The following NR3C1 variants were observed in gnomAD, a reference collection of about 807,000 sequenced individuals.
NR3C1 encodes glucocorticoid receptor.
Under a neutral mutation model 74.0 loss-of-function variants are expected in NR3C1, and 14 were observed. That is an observed-to-expected ratio of 0.19 (90% CI 0.12 to 0.30). The LOEUF is 0.30. Ranked by LOEUF, NR3C1 falls within the 10% of genes least tolerant of loss-of-function variation. The pLI, the probability that NR3C1 is intolerant of heterozygous loss-of-function variation, is 1.00. For synonymous variants in NR3C1, 308 were observed against 332.5 expected (o/e 0.93, Z 0.80); for missense variants, 695 against 909.8 (o/e 0.76, Z 3.04).
chr5:143,393,349 A>C (rs1025998005), intron 2 of NR3C1, among the ~76,000 whole-genome samples: 1 of 152,168 alleles, frequency 6.6e-6, no homozygotes, highest in African/African-American at 2.4e-5. Flanking sequence ...GAATTTTAGA[A>C]ACACACACAC....
chr5:143,313,859 G>C, intron 3 of NR3C1, 143 bp downstream of exon 3: 1 of 741,552 alleles, frequency 1.3e-6, no homozygotes, highest in Non-Finnish European at 2.3e-6. Context: ...CTGCCCATTA[G>C]AGGACCTAGG....
chr5:143,326,082 C>G (rs1185089931), intron 2 of NR3C1, among the ~76,000 whole-genome samples: 1 of 152,162 alleles, frequency 6.6e-6, no homozygotes, highest in Non-Finnish European at 1.5e-5. Flanking sequence ...TTTACTGAGT[C>G]CATTTTACAG....
At chr5:143,327,376 G>T (rs1824847327) in intron 2 of NR3C1, among the ~76,000 whole-genome samples, 1 of 152,144 alleles carries the variant, frequency 6.6e-6, no homozygotes, top group Non-Finnish European at 1.5e-5. Flanking sequence ...TACAATTCAA[G>T]ATTAGATTTG....
intron 2 of NR3C1, among the ~76,000 whole-genome samples, chr5:143,349,895 A>G (rs1191985973): frequency 6.6e-6 from 1 of 152,166 alleles, no homozygotes; most frequent in African/African-American, 2.4e-5. Context: ...GAAGAGGGAT[A>G]TCTAACCCAA....
Position 143,372,678 on chromosome 5 carries a change from C to G in NR3C1, c.1184+26978G>C, listed in dbSNP as rs555851229. On this transcript the variant is annotated intron_variant, in intron 2 of 8. Coordinates refer to ENST00000394464, the MANE Select transcript of NR3C1 (RefSeq NM_000176.3). ...CACCATCTGGCCTATCAAACATAAG[C>G]CCTTAAACCTTGTTGCAACTTTTAA... 2.0e-5 allele frequency among the ~76,000 whole-genome samples: 3 copies of G among 152,204 alleles called. No homozygotes were observed. The South Asian group carries it at 6.2e-4, about 32-fold the overall frequency.
rs1301427607 is a variant in NR3C1 at position 143,294,166 on chromosome 5, G to A, written c.2023+1294C>T. 6 of 984,766 alleles carry A rather than the reference G, an allele frequency of 6.1e-6. No homozygotes were observed. In the South Asian group the frequency reaches 2.8e-4, roughly 46 times the overall value. 61.0% of individuals were successfully genotyped at this position (984,766 alleles called of 1,614,324 possible). ...GCTTTGGAAATGTTTAAATAGATAT[G>A]AAATGATTAAATAAAATCACAGTCT... On this transcript the variant is annotated intron_variant, in intron 7 of 8. Transcript: ENST00000394464.
At chr5:143,419,625 A>G (rs1013682042) in intron 1 of NR3C1, among the ~76,000 whole-genome samples, 1 of 152,160 alleles carries the variant, frequency 6.6e-6, no homozygotes, top group African/African-American at 2.4e-5. Context: ...GACTTTCAAA[A>G]GGGGAGGGAA....
chr5:143,279,573 G>A lies in NR3C1; in HGVS notation c.*2316C>T. 2.0e-6 allele frequency: 1 copy of A among 510,150 alleles called. No homozygotes were observed. The highest frequency in any genetic ancestry group is 3.1e-6 in the Non-Finnish European group (1 of 320,838). 31.6% of individuals were successfully genotyped at this position (510,150 alleles called of 1,614,324 possible). ...TTCCCTTTTAGAGAGCATTCAAAAA[G>A]CAAATGATTGTTTTTTTATTAAATA... On this transcript the variant is annotated 3_prime_UTR_variant, in exon 9 of 9. Transcript: ENST00000394464.
intron 6 of NR3C1, 27 bp downstream of exon 6, chr5:143,298,641 A>G (rs199910967): frequency 1.9e-6 from 3 of 1,608,626 alleles, no homozygotes; most frequent in Non-Finnish European, 2.5e-6. Flanking sequence ...CTATGAATAC[A>G]GGGAAAATGA....
At chr5:143,296,334 GTTA>G (rs1040853167) in intron 6 of NR3C1, among the ~76,000 whole-genome samples, 2 of 151,624 alleles carry the variant, frequency 1.3e-5, no homozygotes, top group Non-Finnish European at 2.9e-5. Flanking sequence ...CAACAGAAAG[GTTA>G]TTATTTTTCT....
chr5:143,367,869 CT>C (rs1833534014), intron 2 of NR3C1, among the ~76,000 whole-genome samples: 2 of 152,098 alleles, frequency 1.3e-5, no homozygotes, highest in Admixed American at 6.6e-5. Flanking sequence ...TCAATTGCCT[CT>C]TTTTTTCTTC....
rs1194412874 is a variant in NR3C1 at position 143,400,146 on chromosome 5, C to A, written c.694G>T (p.Asp232Tyr). The part of the protein sequence containing the change: ...NCLLSPLAGE[D>Y]DSFLLEGNSN... ...TTTCCTTCCAAAAGGAATGAATCGT[C>A]TTCTCCCGCCAGAGGAGAAAGCAAA... Residue 232 changes from aspartate to tyrosine, a missense_variant, in exon 2 of 9, where the codon GAC becomes TAC. By Grantham distance (160) the Asp-to-Tyr change is radical. Coordinates refer to ENST00000394464, the MANE Select transcript of NR3C1 (RefSeq NM_000176.3). 2.4e-5 allele frequency: 39 copies of A among 1,614,078 alleles called. No homozygotes were observed. The highest frequency in any genetic ancestry group is 3.1e-5 in the Non-Finnish European group (37 of 1,180,044).
At chr5:143,357,447 T>A (rs1445691263) in intron 2 of NR3C1, among the ~76,000 whole-genome samples, 1 of 152,202 alleles carries the variant, frequency 6.6e-6, no homozygotes, top group Non-Finnish European at 1.5e-5. Flanking sequence ...AATCAAAAAA[T>A]ACACGTTTTA....
At position 143,279,430 on chromosome 5, in the gene NR3C1, C is replaced by T. The variant is rs1599628121; in HGVS notation, c.*2459G>A. 1.3e-6 allele frequency: 2 copies of T among 1,510,206 alleles called. No homozygotes were observed. The highest frequency in any genetic ancestry group is 1.7e-4 in the Middle Eastern group (1 of 5,852). The allele number at this position is 1,510,206 out of a possible 1,614,324, so 93.6% of individuals were successfully genotyped here. ...TAACATTCTATAAAGGAATGATAAT[C>T]TACGTTTTAGAAGCTCTTTTTGAAA... On this transcript the variant is annotated 3_prime_UTR_variant, in exon 9 of 9. Transcript: ENST00000394464.
chr5:143,309,502 T>G (rs1162259030), intron 4 of NR3C1, among the ~76,000 whole-genome samples: 1 of 152,206 alleles, frequency 6.6e-6, no homozygotes, highest in Non-Finnish European at 1.5e-5. Context: ...AGGTAATATC[T>G]TCACATAAAA....
intron 4 of NR3C1, among the ~76,000 whole-genome samples, chr5:143,302,608 A>C (rs773432069): frequency 6.6e-6 from 1 of 152,094 alleles, no homozygotes; most frequent in Non-Finnish European, 1.5e-5. Flanking sequence ...TTAAAAAAAA[A>C]CATTTTCTAT....
In NR3C1 at chr5:143,329,889, A is replaced by G. The variant is rs117066479; in HGVS notation, c.1185-15721T>C. 1.0e-3 allele frequency among the ~76,000 whole-genome samples: 155 copies of G among 152,306 alleles called. 3 individuals are homozygous for G. The East Asian group carries it at 0.022, about 22-fold the overall frequency. ...TCTGGTGAGATCCTCTTGGTAAATTATATAATTAAATATCAGTCAAAACAT... is the reference window on the plus strand; with the variant it reads ...TCTGGTGAGATCCTCTTGGTAAATTGTATAATTAAATATCAGTCAAAACAT... On this transcript the variant is annotated intron_variant, in intron 2 of 8. Coordinates refer to ENST00000394464, the MANE Select transcript of NR3C1 (RefSeq NM_000176.3).
chr5:143,336,303 T>C (rs937214090), intron 2 of NR3C1, among the ~76,000 whole-genome samples: 12 of 152,234 alleles, frequency 7.9e-5, no homozygotes, highest in African/African-American at 2.7e-4. Flanking sequence ...AAAGATGGTA[T>C]ATTTAACACA....
At chr5:143,282,483 G>A (rs760965236) in intron 8 of NR3C1, 85 bp downstream of exon 8, 66 of 1,495,370 alleles carry the variant, frequency 4.4e-5, no homozygotes, top group African/African-American at 9.7e-5. Flanking sequence ...GGGTGGGGGC[G>A]CTGCTGGTAT....
Sources: allele counts gnomAD v4.1 joint callset (sites outside exome capture counted in the v4.1 genomes callset), GRCh38; gene constraint gnomAD v4.1.1; transcripts MANE v1.5; gene names NCBI Gene and HGNC (gene_info 2026-07-23, HGNC 2026-07-21).